The following COA6 variants were observed in gnomAD, a reference collection of about 807,000 sequenced individuals.
The protein encoded by COA6 is cytochrome c oxidase assembly factor 6, also known as cytochrome c oxidase assembly factor 6 homolog.
COA6 carries 12 observed loss-of-function variants against 17.1 expected under a neutral mutation model. The observed-to-expected ratio is 0.70, with a 90% CI of 0.45 to 1.14. The LOEUF (loss-of-function observed/expected upper bound fraction) is 1.14, where lower values mean the gene tolerates loss of function less well. COA6 is among the 50% of genes most tolerant of loss of function. COA6 has a pLI of 0.00. For synonymous variants in COA6, 90 were observed against 73.4 expected (o/e 1.23, Z -1.16); for missense variants, 246 against 196.5 (o/e 1.25, Z -1.51).
intron 2 of COA6, among the ~76,000 whole-genome samples, chr1:234,379,520 G>A (rs1201968044): frequency 2.0e-5 from 3 of 152,154 alleles, no homozygotes; most frequent in Non-Finnish European, 4.4e-5. Flanking sequence ...GAAATTACCC[G>A]CGAGTTTTGA....
chr1:234,377,127 G>T (rs6586386), intron 2 of COA6, among the ~76,000 whole-genome samples: 24,763 of 74,152 alleles, frequency 0.33, 7,484 homozygotes, highest in African/African-American at 0.62. Context: ...CTCTTTTTTT[G>T]TTTTTTTTGT....
At chr1:234,373,711 C>A in intron 1 of COA6, 33 bp downstream of exon 1, 1 of 1,613,630 alleles carries the variant, frequency 6.2e-7, no homozygotes, top group Non-Finnish European at 8.5e-7. Context: ...GTGGGGCGCG[C>A]GTGGACTATG....
chr1:234,379,934 G>A (rs1395426962), intron 2 of COA6, among the ~76,000 whole-genome samples: 1 of 152,190 alleles, frequency 6.6e-6, no homozygotes, highest in Non-Finnish European at 1.5e-5. Context: ...AGATTTGGGT[G>A]GGGACACAAA....
intron 1 of COA6, chr1:234,373,989 G>A (rs1039247172): frequency 4.4e-5 from 47 of 1,071,766 alleles, no homozygotes; most frequent in Non-Finnish European, 5.9e-5. Flanking sequence ...TGCCGCCCCA[G>A]CAGGGATCAA....
intron 2 of COA6, among the ~76,000 whole-genome samples, chr1:234,381,267 A>G (rs976234556): frequency 3.3e-5 from 5 of 152,196 alleles, no homozygotes; most frequent in African/African-American, 9.6e-5. Context: ...GTATTTCTCA[A>G]TGAATCCTTG....
intron 2 of COA6, among the ~76,000 whole-genome samples, chr1:234,380,629 C>T (rs1658946239): frequency 1.3e-5 from 2 of 151,620 alleles, no homozygotes; most frequent in South Asian, 4.2e-4. Flanking sequence ...TGCCATACAA[C>T]TAATATGGTA....
intron 2 of COA6, among the ~76,000 whole-genome samples, chr1:234,377,768 G>A (rs1558125147): frequency 6.6e-6 from 1 of 152,222 alleles, no homozygotes; most frequent in Admixed American, 6.5e-5. Flanking sequence ...GCCATCTGCT[G>A]TTAGCCACTG....
chr1:234,374,716 A>C (rs1419960803), intron 2 of COA6, among the ~76,000 whole-genome samples: 1 of 152,162 alleles, frequency 6.6e-6, no homozygotes, highest in African/African-American at 2.4e-5. Flanking sequence ...GAGTTGGCAA[A>C]ATTATTGACC....
intron 2 of COA6, among the ~76,000 whole-genome samples, chr1:234,375,416 G>A (rs1658763805): frequency 6.6e-6 from 1 of 152,238 alleles, no homozygotes; most frequent in African/African-American, 2.4e-5. Context: ...ACTGGCTGGT[G>A]TGGGATTTGA....
At position 234,377,059 on chromosome 1, in the gene COA6, C is replaced by CGAGAGAGAGAGAGAGAGA. The variant is rs71170479; in HGVS notation, c.372+2695_372+2712dup. The stretch of plus-strand genomic sequence containing the variant: ...GACAGCTACCTTCTTGCTGTGTTGC[C>CGAGAGAGAGAGAGAGAGA]GAGAGAGAGAGAGAGAGAGAGAGAG... On this transcript the variant is annotated intron_variant, in intron 2 of 2. Transcript: ENST00000366615. Among the ~76,000 whole-genome samples the CGAGAGAGAGAGAGAGAGA allele has an allele frequency of 1.9e-3, 153 of 82,620 alleles. 3 individuals are homozygous for CGAGAGAGAGAGAGAGAGA. The highest frequency in any genetic ancestry group is 2.8e-3 in the Non-Finnish European group (117 of 42,230). The allele number at this position is 82,620 out of a possible 152,430, so 54.2% of individuals were successfully genotyped here. A position where few individuals can be genotyped will look rare whatever the true frequency, so the allele number is the denominator to read the frequency against.
intron 2 of COA6, among the ~76,000 whole-genome samples, chr1:234,377,772 G>A (rs777824381): frequency 1.3e-5 from 2 of 152,214 alleles, no homozygotes; most frequent in African/African-American, 2.4e-5. Flanking sequence ...TCTGCTGTTA[G>A]CCACTGCCCA....
At chr1:234,378,279 T>C (rs6681436) in intron 2 of COA6, among the ~76,000 whole-genome samples, 67,907 of 152,006 alleles carry the variant, frequency 0.45, 16,393 homozygotes, top group African/African-American at 0.62. Flanking sequence ...CAAATATCTA[T>C]TGAGCACCTC....
rs1658686322 is a variant in COA6 at position 234,373,726 on chromosome 1, CG to C, written c.212+51del. 3.7e-6 allele frequency: 6 copies of C among 1,613,732 alleles called. No individual in the cohort carries two copies. The East Asian group carries it at 1.3e-4, about 36-fold the overall frequency. On this transcript the variant is annotated intron_variant, in intron 1 of 2. Transcript: ENST00000366615. ...GTGGGGCGCGCGTGGACTATGGGCC[CG>C]GGAGGTCCCTTACTGTCCCCGAGCC...
Position 234,384,205 on chromosome 1 carries a change from G to A in COA6, c.*387G>A, listed in dbSNP as rs938608109. 2.0e-5 allele frequency among the ~76,000 whole-genome samples: 3 copies of A among 152,126 alleles called. No homozygotes were observed. The highest frequency in any genetic ancestry group is 2.9e-5 in the Non-Finnish European group (2 of 68,030). On this transcript the variant is annotated 3_prime_UTR_variant, in exon 3 of 3. Coordinates refer to ENST00000366615, the MANE Select transcript of COA6 (RefSeq NM_001206641.3). ...CCCAAGTGAGAAATGATGAGGGTTT[G>A]TGGAAGGTTTATAAGGAAGAAGGGT...
chr1:234,377,071 AG>A lies in COA6; in HGVS notation c.372+2683del, dbSNP rs1558124875. 3.8e-3 allele frequency among the ~76,000 whole-genome samples: 374 copies of A among 98,458 alleles called. 74 individuals are homozygous for A. Among genetic ancestry groups the A allele is most frequent in the East Asian group, 0.03 (90 of 2,960 alleles). 64.6% of individuals were successfully genotyped at this position (98,458 alleles called of 152,430 possible). A position where few individuals can be genotyped will look rare whatever the true frequency, so the allele number is the denominator to read the frequency against. ...CTTGCTGTGTTGCCGAGAGAGAGAGAGAGAGAGAGAGAGAGAGAGAGAGAGA... is the reference window on the plus strand; with the variant it reads ...CTTGCTGTGTTGCCGAGAGAGAGAGAAGAGAGAGAGAGAGAGAGAGAGAGA... On this transcript the variant is annotated intron_variant, in intron 2 of 2. Coordinates refer to ENST00000366615, the MANE Select transcript of COA6 (RefSeq NM_001206641.3).
intron 2 of COA6, among the ~76,000 whole-genome samples, chr1:234,377,757 A>T (rs1228260281): frequency 6.6e-6 from 1 of 152,196 alleles, no homozygotes; most frequent in Non-Finnish European, 1.5e-5. Context: ...AGAAGGGGGC[A>T]GCCATCTGCT....
chr1:234,380,860 C>T (rs762217349), intron 2 of COA6, among the ~76,000 whole-genome samples: 17 of 152,144 alleles, frequency 1.1e-4, no homozygotes, highest in Non-Finnish European at 1.6e-4. Context: ...ATTAGCCAGG[C>T]GCGGTGGCAC....
At chr1:234,381,234 G>A (rs1302592033) in intron 2 of COA6, among the ~76,000 whole-genome samples, 1 of 152,178 alleles carries the variant, frequency 6.6e-6, no homozygotes, top group Non-Finnish European at 1.5e-5. Flanking sequence ...GTGGTTTAGA[G>A]ACCACTCGCA....
intron 2 of COA6, among the ~76,000 whole-genome samples, chr1:234,377,560 G>A (rs1658844390): frequency 6.6e-6 from 1 of 152,200 alleles, no homozygotes; most frequent in Admixed American, 6.5e-5. Flanking sequence ...CCCGGGACCT[G>A]CGTGTCACCC....
Sources: gnomAD v4.1 joint callset for allele counts (sites outside exome capture counted in the v4.1 genomes callset) on GRCh38, gnomAD v4.1.1 for gene constraint, MANE v1.5 for transcripts, NCBI Gene and HGNC (gene_info 2026-07-23, HGNC 2026-07-21) for gene names.